Variants in NLRC4 observed in about 807,000 individuals in gnomAD.
NLRC4 encodes the protein NLR family CARD domain-containing protein 4.
In NLRC4, 63 loss-of-function variants were observed where a neutral mutation model predicts 79.9. The ratio of observed to expected loss-of-function variants is 0.79; its 90% CI spans 0.64 to 0.97. The LOEUF (loss-of-function observed/expected upper bound fraction) is 0.97. Among genes scored for constraint, NLRC4 ranks in the 50% least tolerant of loss-of-function variants. NLRC4 has a pLI of 0.00. For missense variants in NLRC4, 1,074 were observed against 1,215.2 expected (o/e 0.88, Z 1.73); for synonymous variants, 461 against 456.5 (o/e 1.01, Z -0.12).
Position 32,250,330 on chromosome 2 carries a change from C to T in NLRC4, c.1534G>A (p.Val512Met), listed in dbSNP as rs768764867. The T allele has an allele frequency of 1.9e-6, 3 of 1,614,218 alleles. No individual in the cohort carries two copies. Among genetic ancestry groups the T allele is most frequent in the Non-Finnish European group, 2.5e-6 (3 of 1,180,046 alleles). Residue 512 changes from valine to methionine, a missense_variant, in exon 4 of 9, where the codon GTG (valine) becomes ATG (methionine). Physicochemically the swap from Val to Met is conservative, Grantham distance 21. Coordinates refer to ENST00000402280, the MANE Select transcript of NLRC4 (RefSeq NM_001199138.2). The surrounding 1 kb of genome is among the most constrained non-coding windows in gnomAD (Gnocchi z 4.9). Reference protein sequence around the residue: ...TRAVMKHLAAVYQHGCLLGLS... With the variant: ...TRAVMKHLAAMYQHGCLLGLS... ...CCGAGAAGGCAGCCGTGTTGATACA[C>T]TGCTGCGAGGTGCTTCATAACAGCC...
At chr2:32,228,410 G>T (rs972873355) in intron 8 of NLRC4, among the ~76,000 whole-genome samples, 7 of 152,144 alleles carry the variant, frequency 4.6e-5, no homozygotes, top group African/African-American at 1.4e-4. Context: ...AAAATTCACC[G>T]CCTCCCTTAG....
chr2:32,254,183 C>G (rs1687151419), intron 2 of NLRC4, among the ~76,000 whole-genome samples: 2 of 151,978 alleles, frequency 1.3e-5, no homozygotes, highest in Admixed American at 1.3e-4. Context: ...CCAGCTCCAG[C>G]ACACTGGGGA....
chr2:32,250,982 A>T lies in NLRC4; in HGVS notation c.882T>A (p.Thr294=). 1 of 1,614,114 alleles carries T rather than the reference A, an allele frequency of 6.2e-7. No individual in the cohort carries two copies. The highest frequency in any genetic ancestry group is 8.5e-7 in the Non-Finnish European group (1 of 1,180,012). ...LRHIRQFGAL[T]AEVGDMTEDS... ...CTTCTGTCATATCCCCCACCTCAGC[A>T]GTCAGGGCACCAAACTGCCGTATGT... Residue 294 remains threonine, a synonymous_variant, in exon 4 of 9, where the codon ACT becomes ACA. Coordinates refer to ENST00000402280, the MANE Select transcript of NLRC4 (RefSeq NM_001199138.2). The surrounding 1 kb of genome is among the most constrained non-coding windows in gnomAD (Gnocchi z 4.9).
At chr2:32,226,463 C>T (rs563357432) in intron 8 of NLRC4, among the ~76,000 whole-genome samples, 29 of 152,354 alleles carry the variant, frequency 1.9e-4, no homozygotes, top group African/African-American at 7.0e-4. Flanking sequence ...AAGATGCTAG[C>T]GGCTAAAGTG....
rs528082206 is a variant in NLRC4, at chr2:32,260,046, T to C, written c.-118-3153A>G. Among the ~76,000 whole-genome samples, 9 of 151,948 alleles carry C rather than the reference T, an allele frequency of 5.9e-5. No homozygotes were observed. In the South Asian group the frequency reaches 1.7e-3, roughly 28 times the overall value. ...GAGTTCAAGACCAGCCTGGCCAACA[T>C]GGCGAAACCCTGTCTCTACTAAAAA... On this transcript the variant is annotated intron_variant, in intron 1 of 8. Coordinates refer to ENST00000402280, the MANE Select transcript of NLRC4 (RefSeq NM_001199138.2).
intron 1 of NLRC4, among the ~76,000 whole-genome samples, chr2:32,263,890 T>C (rs112295001): frequency 0.014 from 2,067 of 152,300 alleles, 49 homozygotes; most frequent in African/African-American, 0.046. Context: ...CAGTGTGATG[T>C]AGGGCAGGAC....
chr2:32,235,333 G>T, intron 8 of NLRC4, 68 bp downstream of exon 8: 3 of 1,177,402 alleles, frequency 2.5e-6, no homozygotes, highest in Non-Finnish European at 3.7e-6. Context: ...GGCAAAATAA[G>T]CAAAGCCAAC....
At chr2:32,232,113 A>G (rs1166264818) in intron 8 of NLRC4, among the ~76,000 whole-genome samples, 3 of 152,172 alleles carry the variant, frequency 2.0e-5, no homozygotes, top group Non-Finnish European at 4.4e-5. Flanking sequence ...TCATAGAGGT[A>G]AAGTACTATT....
chr2:32,241,870 CT>C (rs1686812389), intron 4 of NLRC4, among the ~76,000 whole-genome samples: 1 of 152,022 alleles, frequency 6.6e-6, no homozygotes, highest in Non-Finnish European at 1.5e-5. Flanking sequence ...TAACACAGTG[CT>C]TACAGGGACA....
At chr2:32,244,836 GGAGGAGAGGGAGA>G (rs1232944420) in intron 4 of NLRC4, among the ~76,000 whole-genome samples, 2 of 151,258 alleles carry the variant, frequency 1.3e-5, no homozygotes, top group Non-Finnish European at 2.9e-5. Context: ...AGGAGGAGGA[GGAGGAGAGGGAGA>G]GAGGGGGAGG....
chr2:32,248,318 CCTGG>C (rs1686986340), intron 4 of NLRC4, among the ~76,000 whole-genome samples: 1 of 152,146 alleles, frequency 6.6e-6, no homozygotes, highest in Non-Finnish European at 1.5e-5. Flanking sequence ...AAACTCAGTT[CCTGG>C]CCATGACAGG....
Position 32,238,189 on chromosome 2 carries a change from G to C in NLRC4, c.2464C>G (p.Leu822Val). The change falls in exon 6 of 9, where the codon CTT (leucine) becomes GTT (valine). Residue 822 changes from leucine to valine, a missense_variant. Physicochemically the swap from Leu to Val is conservative, Grantham distance 32. Coordinates refer to ENST00000402280, the MANE Select transcript of NLRC4 (RefSeq NM_001199138.2). ...VKSLSSEPCDLEEIQLVSCCL... is the reference protein window; with the variant it reads ...VKSLSSEPCDVEEIQLVSCCL... The stretch of plus-strand genomic sequence containing the variant: ...CAGGAGACTAATTGAATTTCTTCAA[G>C]GTCACAGGGTTCACTTGACAGAGAC... 1 of 1,613,722 alleles carries C rather than the reference G, an allele frequency of 6.2e-7. No homozygotes were observed. Among genetic ancestry groups the C allele is most frequent in the Non-Finnish European group, 8.5e-7 (1 of 1,179,834 alleles).
chr2:32,236,670 A>G (rs1180344050), intron 6 of NLRC4, among the ~76,000 whole-genome samples: 1 of 152,234 alleles, frequency 6.6e-6, no homozygotes, highest in Non-Finnish European at 1.5e-5. Context: ...GTCTTCCTCT[A>G]TAGAATGAGG....
At chr2:32,245,718 C>G (rs985345622) in intron 4 of NLRC4, among the ~76,000 whole-genome samples, 2 of 152,084 alleles carry the variant, frequency 1.3e-5, no homozygotes, top group Admixed American at 1.3e-4. Context: ...ATCAAAGCAT[C>G]TCATGTACCC....
At chr2:32,263,643 C>G (rs868377931) in intron 1 of NLRC4, among the ~76,000 whole-genome samples, 1 of 152,058 alleles carries the variant, frequency 6.6e-6, no homozygotes, top group Non-Finnish European at 1.5e-5. Context: ...AGGGAGATAC[C>G]AGGAATGTGC....
intron 8 of NLRC4, 72 bp from the exon 9 acceptor site, chr2:32,224,837 T>G: frequency 1.1e-6 from 1 of 887,386 alleles, no homozygotes; most frequent in South Asian, 1.9e-5. Context: ...AGGTTCTACA[T>G]TTATTTTACA....
Position 32,250,283 on chromosome 2 carries a change from A to C in NLRC4, c.1581T>G (p.Pro527=), listed in dbSNP as rs1258665203. ...CLLGLSIAKR[P]LWRQESLQSV... is the part of the protein sequence containing the mutation. ...TTTGCAAAGATTCCTGTCTCCAGAG[A>C]GGCCTCTTGGCGATGGAAAGTCCGA... Residue 527 remains proline (P), a synonymous_variant, in exon 4 of 9, where the codon CCT becomes CCG. Transcript: ENST00000402280. This position sits in a 1 kb window ranked among gnomAD's most constrained non-coding sequence, Gnocchi z 4.9. 6.2e-7 allele frequency: 1 copy of C among 1,614,164 alleles called. No individual in the cohort carries two copies.
At position 32,238,224 on chromosome 2, in the gene NLRC4, T is replaced by TA; in HGVS notation, c.2428dup (p.Tyr810LeufsTer9). On this transcript the variant is annotated frameshift_variant, in exon 6 of 9. Transcript: ENST00000402280. LOFTEE classifies it high-confidence loss of function. Reference sequence around the variant, plus strand: ...TTCACTTGACAGAGACTTGACTATGTAATCCATTCCCTCTCCAATGTCAGA... The same window carrying TA: ...TTCACTTGACAGAGACTTGACTATGTAAATCCATTCCCTCTCCAATGTCAGA... 1 of 1,613,662 alleles carries TA rather than the reference T, an allele frequency of 6.2e-7. No individual in the cohort carries two copies. Among genetic ancestry groups the TA allele is most frequent in the Non-Finnish European group, 8.5e-7 (1 of 1,179,626 alleles).
At position 32,250,320 on chromosome 2, in the gene NLRC4, T is replaced by C; in HGVS notation, c.1544A>G (p.His515Arg). Residue 515 changes from histidine to arginine, a missense_variant, in exon 4 of 9, where the codon CAC (histidine) becomes CGC (arginine). Transcript: ENST00000402280. This position sits in a 1 kb window ranked among gnomAD's most constrained non-coding sequence, Gnocchi z 4.9. Reference protein sequence around the residue: ...VMKHLAAVYQHGCLLGLSIAK... With the variant: ...VMKHLAAVYQRGCLLGLSIAK... The stretch of plus-strand genomic sequence containing the variant: ...GATGGAAAGTCCGAGAAGGCAGCCG[T>C]GTTGATACACTGCTGCGAGGTGCTT... The C allele has an allele frequency of 6.2e-7, 1 of 1,614,184 alleles. No homozygotes were observed. The highest frequency in any genetic ancestry group is 2.2e-5 in the East Asian group (1 of 44,886).
Sources: allele counts gnomAD v4.1 joint callset (sites outside exome capture counted in the v4.1 genomes callset), GRCh38; gene constraint gnomAD v4.1.1; non-coding constraint Gnocchi (gnomAD v3.1); transcripts MANE v1.5; gene names NCBI Gene and HGNC (gene_info 2026-07-23, HGNC 2026-07-21).